The following FNDC3B variants were observed in gnomAD, a reference collection of about 807,000 sequenced individuals.
The protein encoded by FNDC3B is fibronectin type III domain-containing protein 3B.
Under a neutral mutation model 151.5 loss-of-function variants are expected in FNDC3B, and 12 were observed. The ratio of observed to expected loss-of-function variants is 0.08; its 90% CI spans 0.05 to 0.13. The LOEUF is 0.13. FNDC3B is among the 10% of genes least tolerant of loss of function. FNDC3B has a pLI of 1.00. For missense variants in FNDC3B, 1,214 were observed against 1,505.3 expected (o/e 0.81, Z 3.20); for synonymous variants, 528 against 549.0 (o/e 0.96, Z 0.54).
At chr3:172,242,126 C>G (rs1328639094) in intron 4 of FNDC3B, among the ~76,000 whole-genome samples, 2 of 152,258 alleles carry the variant, frequency 1.3e-5, no homozygotes, top group Non-Finnish European at 2.9e-5. Flanking sequence ...ATCTAGGTCA[C>G]ACTGAGGCAA....
rs114804118 is a variant in FNDC3B at position 172,099,186 on chromosome 3, A to G, written c.-28-13266A>G. Among the ~76,000 whole-genome samples, 1,201 of 152,166 alleles carry G rather than the reference A, an allele frequency of 7.9e-3. 8 individuals are homozygous for G. Among genetic ancestry groups the G allele is most frequent in the Middle Eastern group, 0.02 (6 of 294 alleles). The stretch of plus-strand genomic sequence containing the variant: ...AATCAATTAGCTGTGGCATATTTTG[A>G]TTTTGCTAATTTGTTGCTCTAGGAA... On this transcript the variant is annotated intron_variant, in intron 1 of 25. Transcript: ENST00000415807.
At chr3:172,228,499 A>G (rs1726709299) in intron 4 of FNDC3B, among the ~76,000 whole-genome samples, 1 of 152,040 alleles carries the variant, frequency 6.6e-6, no homozygotes, top group Non-Finnish European at 1.5e-5. Flanking sequence ...TATTGCTGTG[A>G]TTACATTAAA....
At chr3:172,152,027 C>T (rs1722252622) in intron 3 of FNDC3B, among the ~76,000 whole-genome samples, 1 of 152,298 alleles carries the variant, frequency 6.6e-6, no homozygotes, top group African/African-American at 2.4e-5. Context: ...TGTCTGATCA[C>T]CAGGTTTGAT....
chr3:172,271,745 A>C (rs950900323), intron 6 of FNDC3B, among the ~76,000 whole-genome samples: 1 of 152,172 alleles, frequency 6.6e-6, no homozygotes, highest in Admixed American at 6.5e-5. Context: ...GTGGAGAGCC[A>C]TCTTTTTCCA....
At chr3:172,074,639 A>C (rs773685570) in intron 1 of FNDC3B, among the ~76,000 whole-genome samples, 4 of 152,178 alleles carry the variant, frequency 2.6e-5, no homozygotes, top group Non-Finnish European at 4.4e-5. Context: ...ATTTTATAGC[A>C]TGGGTTATAC....
At chr3:172,158,797 G>A (rs1270001629) in intron 3 of FNDC3B, among the ~76,000 whole-genome samples, 2 of 152,144 alleles carry the variant, frequency 1.3e-5, no homozygotes, top group African/African-American at 4.8e-5. Context: ...TTAATTGTGA[G>A]TAAATTTTTG....
Position 172,177,626 on chromosome 3 carries a change from C to CTTTTTTTTTTTTTTTTTTTTTT in FNDC3B, c.187+44101_187+44102insTTTTTTTTTTTTTTTTTTTTTT, listed in dbSNP as rs10684671. ...AGGAAGGAATCATTTTTACCACCAT[C>CTTTTTTTTTTTTTTTTTTTTTT]TTTTTTTTTTTTTTTTTTTTTGCAC... On this transcript the variant is annotated intron_variant, in intron 3 of 25. Coordinates refer to ENST00000415807, the MANE Select transcript of FNDC3B (RefSeq NM_022763.4). Among the ~76,000 whole-genome samples, 114 of 84,838 alleles carry CTTTTTTTTTTTTTTTTTTTTTT rather than the reference C, an allele frequency of 1.3e-3. 9 individuals are homozygous for CTTTTTTTTTTTTTTTTTTTTTT. The highest frequency in any genetic ancestry group is 3.9e-3 in the African/African-American group (81 of 20,528). 55.7% of individuals were successfully genotyped at this position (84,838 alleles called of 152,430 possible).
intron 3 of FNDC3B, among the ~76,000 whole-genome samples, chr3:172,178,384 G>A (rs755316626): frequency 1.3e-5 from 2 of 151,998 alleles, no homozygotes; most frequent in Non-Finnish European, 2.9e-5. Flanking sequence ...TAGCAAGCTG[G>A]TTGCTGTCAC....
At chr3:172,199,933 G>A (rs545628785) in intron 3 of FNDC3B, among the ~76,000 whole-genome samples, 4 of 152,134 alleles carry the variant, frequency 2.6e-5, no homozygotes, top group Admixed American at 6.5e-5. Flanking sequence ...GGTTCTCTGC[G>A]CGCTTTTGTG....
At chr3:172,349,261 CAGAGTG>C (rs1448629405) in intron 21 of FNDC3B, among the ~76,000 whole-genome samples, 1 of 152,120 alleles carries the variant, frequency 6.6e-6, no homozygotes, top group African/African-American at 2.4e-5. Flanking sequence ...GCGTGGGCGA[CAGAGTG>C]AGAGCCTGTC....
At chr3:172,182,240 C>G (rs1723950286) in intron 3 of FNDC3B, among the ~76,000 whole-genome samples, 1 of 152,192 alleles carries the variant, frequency 6.6e-6, no homozygotes, top group South Asian at 2.1e-4. Context: ...ATTCTAGGAG[C>G]TGGCGTGGTC....
intron 21 of FNDC3B, among the ~76,000 whole-genome samples, chr3:172,349,311 C>T (rs745654501): frequency 5.3e-5 from 8 of 152,054 alleles, no homozygotes; most frequent in Non-Finnish European, 1.0e-4. Context: ...AATACCTGTA[C>T]TGTGTTTTAT....
At chr3:172,317,495 T>C (rs2108264984) in intron 11 of FNDC3B, among the ~76,000 whole-genome samples, 1 of 152,282 alleles carries the variant, frequency 6.6e-6, no homozygotes, top group East Asian at 1.9e-4. Context: ...GGGATTAATT[T>C]TCTAACACAT....
intron 3 of FNDC3B, among the ~76,000 whole-genome samples, chr3:172,205,653 AT>A (rs1725388062): frequency 6.6e-6 from 1 of 152,164 alleles, no homozygotes; most frequent in South Asian, 2.1e-4. Context: ...AGAGTTTTCT[AT>A]TTATCTTTCC....
intron 1 of FNDC3B, among the ~76,000 whole-genome samples, chr3:172,104,646 T>C (rs1425848730): frequency 6.6e-6 from 1 of 152,196 alleles, no homozygotes; most frequent in Non-Finnish European, 1.5e-5. Flanking sequence ...GACATGCTAA[T>C]TCCACATGGG....
At chr3:172,288,756 C>T (rs541301986) in intron 7 of FNDC3B, among the ~76,000 whole-genome samples, 2 of 152,272 alleles carry the variant, frequency 1.3e-5, no homozygotes, top group South Asian at 4.1e-4. Context: ...ACCTTTTAAG[C>T]AGTTTGATGA....
chr3:172,129,181 G>C (rs1254570852), intron 2 of FNDC3B, among the ~76,000 whole-genome samples: 2 of 152,054 alleles, frequency 1.3e-5, no homozygotes, highest in Non-Finnish European at 2.9e-5. Flanking sequence ...TATGTTGCTG[G>C]GGTTGGTCTG....
chr3:172,170,080 T>G (rs1295287349), intron 3 of FNDC3B, among the ~76,000 whole-genome samples: 2 of 152,216 alleles, frequency 1.3e-5, no homozygotes, highest in Non-Finnish European at 2.9e-5. Flanking sequence ...TCGTTATCTA[T>G]GTTATTTAAA....
At chr3:172,062,076 T>A (rs1717228061) in intron 1 of FNDC3B, among the ~76,000 whole-genome samples, 2 of 152,208 alleles carry the variant, frequency 1.3e-5, no homozygotes, top group Admixed American at 6.5e-5. Flanking sequence ...CAGTTTCACT[T>A]CTTCCTTAAT....
Sources: gnomAD v4.1 joint callset for allele counts (sites outside exome capture counted in the v4.1 genomes callset) on GRCh38, gnomAD v4.1.1 for gene constraint, MANE v1.5 for transcripts, NCBI Gene and HGNC (gene_info 2026-07-23, HGNC 2026-07-21) for gene names.